Variants in C1QTNF3 observed in about 807,000 individuals in gnomAD.
C1QTNF3 encodes the protein complement C1q tumor necrosis factor-related protein 3.
In C1QTNF3, 26 loss-of-function variants were observed where a neutral mutation model predicts 32.6. The ratio of observed to expected loss-of-function variants is 0.80; its 90% confidence interval spans 0.58 to 1.11. The LOEUF (loss-of-function observed/expected upper bound fraction) is 1.11, where lower values mean the gene tolerates loss of function less well. Ranked by LOEUF, C1QTNF3 falls within the 50% of genes least tolerant of loss-of-function variation. C1QTNF3 has a pLI of 0.00. For synonymous variants in C1QTNF3, 155 were observed against 146.0 expected (o/e 1.06, Z -0.44); for missense variants, 362 against 398.2 (o/e 0.91, Z 0.77).
intron 1 of C1QTNF3, among the ~76,000 whole-genome samples, chr5:34,041,935 T>C (rs1366681193): frequency 1.3e-5 from 2 of 151,330 alleles, no homozygotes; most frequent in African/African-American, 4.9e-5. Context: ...AATCTTGTAG[T>C]AAAAACCTGT....
chr5:34,117,164 C>G, the C1QTNF3 span, among the ~76,000 whole-genome samples: 2 of 151,896 alleles, frequency 1.3e-5, no homozygotes, highest in African/African-American at 4.8e-5. Context: ...CTTTCTATAT[C>G]CTTCATGTGT....
the C1QTNF3 span, among the ~76,000 whole-genome samples, chr5:34,087,796 T>C: frequency 0.012 from 1,865 of 152,256 alleles, 17 homozygotes; most frequent in South Asian, 0.029. Context: ...TTTGCCCAAG[T>C]TGGTTTCAAA....
At chr5:34,083,254 C>G in the C1QTNF3 span, among the ~76,000 whole-genome samples, 1 of 151,398 alleles carries the variant, frequency 6.6e-6, no homozygotes, top group Admixed American at 6.6e-5. Context: ...TGCCACAATT[C>G]AGTTTAGACA....
chr5:34,177,854 C>T, the C1QTNF3 span, among the ~76,000 whole-genome samples: 4 of 151,778 alleles, frequency 2.6e-5, no homozygotes, highest in Non-Finnish European at 4.4e-5. Flanking sequence ...AACTCCTGGG[C>T]TCAAGAGATC....
the C1QTNF3 span, among the ~76,000 whole-genome samples, chr5:34,230,783 C>T: frequency 1.4e-5 from 2 of 143,254 alleles, no homozygotes; most frequent in African/African-American, 4.9e-5. Flanking sequence ...ATAAAACTAA[C>T]CATATTTTTA....
the C1QTNF3 span, among the ~76,000 whole-genome samples, chr5:34,176,855 T>TGAATGAATG: frequency 1.5e-4 from 12 of 79,854 alleles, no homozygotes; most frequent in South Asian, 4.5e-3. Flanking sequence ...AGACCCTATC[T>TGAATGAATG]CATGAATGAA....
chr5:34,110,155 G>A, the C1QTNF3 span, among the ~76,000 whole-genome samples: 57 of 152,282 alleles, frequency 3.7e-4, no homozygotes, highest in South Asian at 8.7e-3. Context: ...GTGACAATAC[G>A]TGAAAAATAC....
chr5:34,054,085 T>C, the C1QTNF3 span, among the ~76,000 whole-genome samples: 2 of 152,174 alleles, frequency 1.3e-5, no homozygotes, highest in African/African-American at 4.8e-5. Context: ...CTTGAGCCTT[T>C]TGCTTCTGCA....
At chr5:34,223,992 T>C in the C1QTNF3 span, among the ~76,000 whole-genome samples, 11 of 152,208 alleles carry the variant, frequency 7.2e-5, no homozygotes, top group East Asian at 2.1e-3. Flanking sequence ...TCACACGCAT[T>C]TGTATACACC....
chr5:34,111,118 T>C, the C1QTNF3 span, among the ~76,000 whole-genome samples: 2 of 152,230 alleles, frequency 1.3e-5, no homozygotes, highest in Non-Finnish European at 2.9e-5. Context: ...TATAAAATAA[T>C]AGACTTATTT....
At chr5:34,021,881 TG>T (rs1430530616) in intron 5 of C1QTNF3, among the ~76,000 whole-genome samples, 1 of 152,162 alleles carries the variant, frequency 6.6e-6, no homozygotes, top group Non-Finnish European at 1.5e-5. Flanking sequence ...TGTATACCTG[TG>T]TAACAAACCT....
the C1QTNF3 span, among the ~76,000 whole-genome samples, chr5:34,064,849 G>A: frequency 6.6e-6 from 1 of 152,166 alleles, no homozygotes; most frequent in Non-Finnish European, 1.5e-5. Flanking sequence ...CTGATTAGGT[G>A]AGGCCATCTA....
chr5:34,102,418 A>G, the C1QTNF3 span, among the ~76,000 whole-genome samples: 284 of 152,160 alleles, frequency 1.9e-3, no homozygotes, highest in African/African-American at 6.4e-3. Context: ...AGGTTATTTT[A>G]GCAAAAAAAT....
At chr5:34,128,300 G>A in the C1QTNF3 span, among the ~76,000 whole-genome samples, 4 of 152,316 alleles carry the variant, frequency 2.6e-5, no homozygotes, top group Admixed American at 2.0e-4. Flanking sequence ...AGGCAGAAGT[G>A]TGCTGCAGGA....
rs1185374528 is a variant in C1QTNF3, at chr5:34,017,934, T to C, written c.*2649A>G. ...TATTTGTAATAAAAAAAAAATAATATTTTCCAAAACAGGAAAGTTAAATAA... is the reference window on the plus strand; with the variant it reads ...TATTTGTAATAAAAAAAAAATAATACTTTCCAAAACAGGAAAGTTAAATAA... On this transcript the variant is annotated 3_prime_UTR_variant, in exon 6 of 6. Transcript: ENST00000382065. Among the ~76,000 whole-genome samples, 1 of 152,032 alleles carries C rather than the reference T, an allele frequency of 6.6e-6. No homozygotes were observed. The highest frequency in any genetic ancestry group is 1.5e-5 in the Non-Finnish European group (1 of 68,010).
At chr5:34,144,766 G>C in the C1QTNF3 span, among the ~76,000 whole-genome samples, 1 of 152,058 alleles carries the variant, frequency 6.6e-6, no homozygotes, top group Non-Finnish European at 1.5e-5. Context: ...AAAATCTCTG[G>C]GATGTAGCTA....
At chr5:34,147,480 C>G in the C1QTNF3 span, among the ~76,000 whole-genome samples, 1 of 151,904 alleles carries the variant, frequency 6.6e-6, no homozygotes, top group African/African-American at 2.4e-5. Flanking sequence ...TACTACAGAG[C>G]CATAGAAAAA....
At chr5:34,082,578 G>A in the C1QTNF3 span, among the ~76,000 whole-genome samples, 1 of 151,660 alleles carries the variant, frequency 6.6e-6, no homozygotes, top group Non-Finnish European at 1.5e-5. Flanking sequence ...GAATCGATAC[G>A]AAGCCATTAT....
the C1QTNF3 span, among the ~76,000 whole-genome samples, chr5:34,177,914 C>T: frequency 6.6e-6 from 1 of 152,026 alleles, no homozygotes; most frequent in African/African-American, 2.4e-5. Flanking sequence ...TGAGCCACCA[C>T]ACCCAGCACT....
Sources: allele counts gnomAD v4.1 joint callset (sites outside exome capture counted in the v4.1 genomes callset), GRCh38; gene constraint gnomAD v4.1.1; transcripts MANE v1.5; gene names NCBI Gene and HGNC (gene_info 2026-07-23, HGNC 2026-07-21).